HGF: variants seen among roughly 807,000 people sequenced by gnomAD.
HGF encodes the protein fibroblast-derived tumor cytotoxic factor.
A neutral mutation model predicts 111.6 loss-of-function variants in HGF; 39 were observed. That is an observed-to-expected ratio of 0.35 (90% CI 0.27 to 0.46). The LOEUF is 0.46. HGF is among the 20% of genes least tolerant of loss of function. The pLI is 1.00. For synonymous variants in HGF, 285 were observed against 294.8 expected, an observed-to-expected ratio of 0.97 and a Z score of 0.34; for missense variants, 735 against 910.5, an observed-to-expected ratio of 0.81 and a Z score of 2.48.
At chr7:81,753,379 GT>G (rs1788598954) in intron 4 of HGF, among the ~76,000 whole-genome samples, 1 of 151,952 alleles carries the variant, frequency 6.6e-6, no homozygotes, top group South Asian at 2.1e-4. Flanking sequence ...TTCAGCTTGT[GT>G]TTTGTTAACA....
chr7:81,731,332 C>G (rs1487641710), intron 7 of HGF, among the ~76,000 whole-genome samples: 1 of 152,028 alleles, frequency 6.6e-6, no homozygotes, highest in East Asian at 1.9e-4. Context: ...AGAAATATGA[C>G]TCAGAAATAT....
Position 81,762,757 on chromosome 7 carries a change from G to C in HGF, c.204C>G (p.Asp68Glu). 6.2e-7 allele frequency: 1 copy of C among 1,612,362 alleles called. No individual in the cohort carries two copies. The highest frequency in any genetic ancestry group is 2.2e-5 in the East Asian group (1 of 44,772). The part of the protein sequence containing the change: ...KIKTKKVNTA[D>E]QCANRCTRNK... ...TCCTAGTACATCTATTAGCACATTGGTCTGCAGTATTCACTTTTTTGGTTT... is the reference window on the plus strand; with the variant it reads ...TCCTAGTACATCTATTAGCACATTGCTCTGCAGTATTCACTTTTTTGGTTT... Residue 68 changes from aspartate to glutamate, a missense_variant, in exon 2 of 18, where the codon GAC (aspartate) becomes GAG (glutamate). Asp to Glu is a conservative substitution (Grantham distance 45, BLOSUM62 2). Transcript: ENST00000222390.
At chr7:81,742,027 C>G (rs1018120267) in intron 7 of HGF, among the ~76,000 whole-genome samples, 1 of 150,600 alleles carries the variant, frequency 6.6e-6, no homozygotes, top group African/African-American at 2.4e-5. Flanking sequence ...GTTTATTATA[C>G]CTAACTGGTG....
intron 7 of HGF, among the ~76,000 whole-genome samples, chr7:81,731,433 C>T (rs1787652092): frequency 6.6e-6 from 1 of 152,040 alleles, no homozygotes; most frequent in Non-Finnish European, 1.5e-5. Flanking sequence ...CTAGAGAATT[C>T]ATCTATATTG....
Position 81,705,769 on chromosome 7 carries a change from A to G in HGF, c.1758-16T>C. On this transcript the variant is annotated splice_polypyrimidine_tract_variant and intron_variant, in intron 15 of 17. Coordinates refer to ENST00000222390, the MANE Select transcript of HGF (RefSeq NM_000601.6). ...GACAGCAGGCCTGAAAACACAAAAT[A>G]CAATGGTAAGTACTCTCAACTGGAT... 2.7e-6 allele frequency: 4 copies of G among 1,465,146 alleles called. No homozygotes were observed. The Middle Eastern group carries it at 6.9e-4, about 254-fold the overall frequency. The allele number at this position is 1,465,146 out of a possible 1,614,324, so 90.8% of individuals were successfully genotyped here. A position where few individuals can be genotyped will look rare whatever the true frequency, so the allele number is the denominator to read the frequency against.
At chr7:81,748,889 G>A (rs1788381051) in intron 5 of HGF, among the ~76,000 whole-genome samples, 1 of 152,136 alleles carries the variant, frequency 6.6e-6, no homozygotes, top group African/African-American at 2.4e-5. Context: ...CTTTAAAAAT[G>A]TGTTTCATTT....
intron 8 of HGF, among the ~76,000 whole-genome samples, chr7:81,728,827 A>C (rs968196308): frequency 6.6e-5 from 10 of 152,222 alleles, no homozygotes; most frequent in Non-Finnish European, 1.2e-4. Flanking sequence ...AAGCCAATAT[A>C]TGTTATTTAT....
chr7:81,725,833 C>G (rs1206877755), intron 9 of HGF, 57 bp downstream of exon 9: 8 of 1,592,028 alleles, frequency 5.0e-6, no homozygotes, highest in Non-Finnish European at 6.0e-6. Context: ...TGTGTCCTCC[C>G]TTTAGGCATT....
chr7:81,729,817 A>T (rs766478012), intron 7 of HGF, 38 bp from the exon 8 acceptor site: 4 of 1,598,248 alleles, frequency 2.5e-6, no homozygotes, highest in Non-Finnish European at 2.6e-6. Context: ...AAACTTATAT[A>T]AAATCTTTGA....
intron 11 of HGF, among the ~76,000 whole-genome samples, chr7:81,716,836 C>G (rs1789725318): frequency 6.6e-6 from 1 of 151,940 alleles, no homozygotes; most frequent in Admixed American, 6.6e-5. Context: ...CTGCTCACGG[C>G]TTTTTAGTGG....
chr7:81,747,635 T>C (rs765537984), intron 5 of HGF, among the ~76,000 whole-genome samples: 8 of 152,226 alleles, frequency 5.3e-5, no homozygotes, highest in Non-Finnish European at 1.0e-4. Context: ...ATTGAGATAC[T>C]TAAATATATT....
intron 17 of HGF, among the ~76,000 whole-genome samples, chr7:81,703,588 ATAAG>A (rs1457940888): frequency 2.0e-5 from 3 of 149,510 alleles, no homozygotes; most frequent in African/African-American, 7.3e-5. Context: ...AAAATATATA[ATAAG>A]TAAATATAAA....
intron 4 of HGF, 40 bp from the exon 5 acceptor site, chr7:81,752,302 C>A (rs2116125459): frequency 6.3e-7 from 1 of 1,593,274 alleles, no homozygotes. Flanking sequence ...TAAGAGCATG[C>A]AACTTTTTTT....
At chr7:81,763,871 T>C (rs1257859521) in intron 1 of HGF, among the ~76,000 whole-genome samples, 1 of 151,956 alleles carries the variant, frequency 6.6e-6, no homozygotes, top group Non-Finnish European at 1.5e-5. Context: ...AACCAAGACA[T>C]AGAAAAAAAT....
At chr7:81,717,441 T>C (rs1217921101) in intron 10 of HGF, 76 bp from the exon 11 acceptor site, 2 of 1,337,690 alleles carry the variant, frequency 1.5e-6, no homozygotes, top group Non-Finnish European at 2.1e-6. Flanking sequence ...CAAAAAGATA[T>C]AATCTCAGCA....
At chr7:81,722,792 C>T (rs1156686816) in intron 9 of HGF, among the ~76,000 whole-genome samples, 15 of 111,582 alleles carry the variant, frequency 1.3e-4, no homozygotes, top group Non-Finnish European at 1.6e-5. Context: ...CCAGCCTGGG[C>T]GACAGAGCGA....
intron 10 of HGF, among the ~76,000 whole-genome samples, 196 bp downstream of exon 10, chr7:81,720,549 C>A (rs1346772304): frequency 6.6e-6 from 1 of 152,130 alleles, no homozygotes; most frequent in South Asian, 2.1e-4. Context: ...TATCCACTAA[C>A]TTGAATTGCA....
rs187662040 is a variant in HGF, at chr7:81,715,446, A to T, written c.1405+1786T>A. 4.6e-4 allele frequency among the ~76,000 whole-genome samples: 70 copies of T among 152,226 alleles called. No individual in the cohort carries two copies. In the East Asian group the frequency reaches 0.013, roughly 29 times the overall value. The stretch of plus-strand genomic sequence containing the variant: ...GCCTATGCCAACCTTAATATGGGAA[A>T]AGTGAAGAACATTAGGAAAACAAAT... On this transcript the variant is annotated intron_variant, in intron 11 of 17. Transcript: ENST00000222390.
rs2115734992 is a variant in HGF at position 81,701,357 on chromosome 7, G to C, written c.*1224C>G. The C allele has an allele frequency of 6.6e-6, 1 of 151,004 alleles. No individual in the cohort carries two copies. Among genetic ancestry groups the C allele is most frequent in the East Asian group, 1.9e-4 (1 of 5,136 alleles). 9.4% of individuals were successfully genotyped at this position (151,004 alleles called of 1,614,324 possible). ...ACAAGTTGTCTTTTACTTCAAAAAA[G>C]CTTTATTAGGCTAAAATCTTCCAGG... On this transcript the variant is annotated 3_prime_UTR_variant, in exon 18 of 18. Coordinates refer to ENST00000222390, the MANE Select transcript of HGF (RefSeq NM_000601.6).
Sources: allele counts gnomAD v4.1 joint callset (sites outside exome capture counted in the v4.1 genomes callset), GRCh38; gene constraint gnomAD v4.1.1; transcripts MANE v1.5; gene names NCBI Gene and HGNC (gene_info 2026-07-23, HGNC 2026-07-21).